Variants in EHBP1 observed in about 807,000 individuals in gnomAD.
EHBP1 encodes the protein EH domain binding protein 1, also known as EH domain-binding protein 1.
A neutral mutation model predicts 144.0 loss-of-function variants in EHBP1; 55 were observed. The ratio of observed to expected loss-of-function variants is 0.38; its 90% CI spans 0.31 to 0.48. The LOEUF (loss-of-function observed/expected upper bound fraction) is 0.48, where lower values mean the gene tolerates loss of function less well. Ranked by LOEUF, EHBP1 falls within the 20% of genes least tolerant of loss-of-function variation. The pLI is 0.98. For synonymous variants in EHBP1, 469 were observed against 472.7 expected, an observed-to-expected ratio of 0.99 and a Z score of 0.10; for missense variants, 1,200 against 1,364.2, an observed-to-expected ratio of 0.88 and a Z score of 1.90.
intron 14 of EHBP1, among the ~76,000 whole-genome samples, chr2:62,959,395 A>C (rs952280408): frequency 1.3e-5 from 2 of 152,154 alleles, no homozygotes; most frequent in Non-Finnish European, 2.9e-5. Flanking sequence ...AGTACCCCGA[A>C]GTGGGATTGC....
In EHBP1 at chr2:62,947,667, A is replaced by G. The variant is rs191999759; in HGVS notation, c.1414-593A>G. On this transcript the variant is annotated intron_variant, in intron 12 of 22. Coordinates refer to ENST00000431489, the MANE Select transcript of EHBP1 (RefSeq NM_001142616.3). ...TTTAAAGGCTAACAAAAATAATACA[A>G]TGCAGCCTCACATTCTCAACTAGGT... 5.3e-5 allele frequency among the ~76,000 whole-genome samples: 8 copies of G among 152,298 alleles called. No homozygotes were observed. In the East Asian group the frequency reaches 1.5e-3, roughly 29 times the overall value.
At chr2:62,914,845 T>C (rs1221932506) in intron 10 of EHBP1, among the ~76,000 whole-genome samples, 1 of 152,070 alleles carries the variant, frequency 6.6e-6, no homozygotes, top group African/African-American at 2.4e-5. Context: ...CACATCCCAA[T>C]ATCATAAAAT....
At chr2:63,031,599 T>C (rs2061249664) in intron 19 of EHBP1, among the ~76,000 whole-genome samples, 5 of 152,220 alleles carry the variant, frequency 3.3e-5, no homozygotes, top group Admixed American at 3.3e-4. Context: ...TAAAAAGTTA[T>C]GGATGCATCA....
At chr2:62,801,191 C>A (rs1334661122) in intron 5 of EHBP1, among the ~76,000 whole-genome samples, 1 of 152,206 alleles carries the variant, frequency 6.6e-6, no homozygotes, top group Non-Finnish European at 1.5e-5. Context: ...CAATAAACCT[C>A]ACTTCTGATA....
intron 19 of EHBP1, among the ~76,000 whole-genome samples, chr2:63,025,312 A>G (rs761902951): frequency 2.0e-5 from 3 of 152,160 alleles, no homozygotes; most frequent in Non-Finnish European, 2.9e-5. Flanking sequence ...CCCAGGCTGG[A>G]TTGCTTTGAT....
intron 5 of EHBP1, among the ~76,000 whole-genome samples, chr2:62,793,046 A>C (rs967558554): frequency 6.6e-6 from 1 of 152,072 alleles, no homozygotes; most frequent in Non-Finnish European, 1.5e-5. Context: ...ATATCAATAA[A>C]TTGATTTTAA....
chr2:62,705,083 T>C (rs2034417368), upstream of EHBP1, among the ~76,000 whole-genome samples: 1 of 152,150 alleles, frequency 6.6e-6, no homozygotes, highest in Non-Finnish European at 1.5e-5. Flanking sequence ...CAGTTGACTC[T>C]ATGTTGGGCG....
At chr2:62,822,814 A>G (rs1293612201) in intron 5 of EHBP1, among the ~76,000 whole-genome samples, 1 of 152,208 alleles carries the variant, frequency 6.6e-6, no homozygotes, top group Non-Finnish European at 1.5e-5. Flanking sequence ...TAACCAATGA[A>G]TAAGTGCTGG....
intron 2 of EHBP1, among the ~76,000 whole-genome samples, chr2:62,739,660 A>C (rs1251288497): frequency 1.3e-5 from 2 of 152,162 alleles, no homozygotes; most frequent in Non-Finnish European, 1.5e-5. Context: ...TAGAAAAATT[A>C]GGCCTTGTGT....
chr2:62,861,981 A>G (rs1410864002), intron 8 of EHBP1, among the ~76,000 whole-genome samples: 1 of 152,184 alleles, frequency 6.6e-6, no homozygotes, highest in African/African-American at 2.4e-5. Context: ...ATTTGTTAAT[A>G]CAAAATTGGA....
chr2:62,827,648 TG>T (rs1485581301), intron 6 of EHBP1, among the ~76,000 whole-genome samples: 8 of 152,006 alleles, frequency 5.3e-5, no homozygotes, highest in African/African-American at 1.9e-4. Context: ...GAAATTAAAA[TG>T]GTATGCAATT....
chr2:62,983,782 TC>T (rs1334620104), intron 15 of EHBP1, among the ~76,000 whole-genome samples: 1 of 152,258 alleles, frequency 6.6e-6, no homozygotes. Flanking sequence ...CCTCAGGTGA[TC>T]CGTCTGCCTT....
intron 19 of EHBP1, among the ~76,000 whole-genome samples, chr2:63,023,123 C>G (rs1427254511): frequency 6.6e-6 from 1 of 151,944 alleles, no homozygotes; most frequent in Non-Finnish European, 1.5e-5. Flanking sequence ...TGCAGTGAGC[C>G]GAGATGACAC....
chr2:62,814,559 T>C (rs2045300283), intron 5 of EHBP1, among the ~76,000 whole-genome samples: 1 of 152,242 alleles, frequency 6.6e-6, no homozygotes, highest in African/African-American at 2.4e-5. Context: ...TCAGTAGTAC[T>C]CAGAACAGAA....
chr2:62,736,207 G>A (rs1279225087), intron 2 of EHBP1, among the ~76,000 whole-genome samples: 2 of 125,406 alleles, frequency 1.6e-5, no homozygotes, highest in South Asian at 2.7e-4. Flanking sequence ...TTTTTTTTCA[G>A]TCTTTGTTCT....
intron 5 of EHBP1, among the ~76,000 whole-genome samples, chr2:62,780,448 A>G (rs1030672856): frequency 2.0e-5 from 3 of 152,148 alleles, no homozygotes; most frequent in African/African-American, 7.2e-5. Context: ...GTTGCATTTC[A>G]GAGAAATTTC....
chr2:62,871,345 G>A (rs2050465003), intron 9 of EHBP1, among the ~76,000 whole-genome samples: 1 of 152,144 alleles, frequency 6.6e-6, no homozygotes, highest in Non-Finnish European at 1.5e-5. Context: ...TTTTCCACAT[G>A]AAAGTCACAG....
At chr2:62,682,943 T>C (rs113814049) in intron 1 of EHBP1, among the ~76,000 whole-genome samples, 11 of 152,146 alleles carry the variant, frequency 7.2e-5, no homozygotes, top group African/African-American at 2.7e-4. Flanking sequence ...TTAAAATAAC[T>C]ATTATACGTT....
At chr2:62,862,844 A>G (rs1266579702) in intron 8 of EHBP1, among the ~76,000 whole-genome samples, 1 of 152,194 alleles carries the variant, frequency 6.6e-6, no homozygotes, top group African/African-American at 2.4e-5. Flanking sequence ...ATTTGAGAAA[A>G]TATTTTTATC....
Sources: gnomAD v4.1 joint callset for allele counts (sites outside exome capture counted in the v4.1 genomes callset) on GRCh38, gnomAD v4.1.1 for gene constraint, MANE v1.5 for transcripts, NCBI Gene and HGNC (gene_info 2026-07-23, HGNC 2026-07-21) for gene names.